Variants in NUP62CL observed in about 807,000 individuals in gnomAD.
The protein encoded by NUP62CL is nucleoporin 62 C-terminal like.
Under a neutral mutation model 15.3 loss-of-function variants are expected in NUP62CL, and 13 were observed. The observed-to-expected ratio is 0.85, with a 90% confidence interval of 0.55 to 1.35. The LOEUF (loss-of-function observed/expected upper bound fraction) is 1.35, where lower values mean the gene tolerates loss of function less well. NUP62CL is among the 40% of genes most tolerant of loss of function. The pLI is 0.00. For synonymous variants in NUP62CL, 54 were observed against 49.2 expected (o/e 1.10, Z -0.41); for missense variants, 123 against 130.6 (o/e 0.94, Z 0.28).
At chrX:107,130,602 T>C (rs1925491666) in intron 8 of NUP62CL, among the ~76,000 whole-genome samples, 1 of 111,416 alleles carries the variant, frequency 9.0e-6, no homozygotes, top group South Asian at 3.8e-4. Context: ...ATAAGAATGC[T>C]ATAGAAGACA....
At chrX:107,151,701 C>T (rs1926013963) in intron 7 of NUP62CL, among the ~76,000 whole-genome samples, 1 of 109,765 alleles carries the variant, frequency 9.1e-6, no homozygotes, top group Non-Finnish European at 1.9e-5. Flanking sequence ...AATTGGTTGC[C>T]TACATTATTG....
At chrX:107,188,551 T>C (rs1602663450) in intron 2 of NUP62CL, among the ~76,000 whole-genome samples, 2 of 110,323 alleles carry the variant, frequency 1.8e-5, no homozygotes, top group East Asian at 5.7e-4. Flanking sequence ...AGACCGAATG[T>C]TTTCCCCCTA....
chrX:107,170,392 A>T (rs1212261536), intron 3 of NUP62CL, among the ~76,000 whole-genome samples: 1 of 108,681 alleles, frequency 9.2e-6, no homozygotes, highest in Non-Finnish European at 1.9e-5. Flanking sequence ...GAGTCATTTT[A>T]AAATGGTATG....
chrX:107,199,445 GTA>G (rs1452192010), intron 1 of NUP62CL, among the ~76,000 whole-genome samples: 1 of 112,312 alleles, frequency 8.9e-6, no homozygotes, highest in Non-Finnish European at 1.9e-5. Context: ...GTCTCACAAA[GTA>G]TAAATGATTT....
chrX:107,190,187 CA>C (rs1927205815), intron 2 of NUP62CL, among the ~76,000 whole-genome samples: 1 of 111,536 alleles, frequency 9.0e-6, no homozygotes. Context: ...CTCCACTAGC[CA>C]AAATATTTTA....
intron 4 of NUP62CL, among the ~76,000 whole-genome samples, chrX:107,157,677 C>G (rs1926241107): frequency 9.2e-6 from 1 of 108,487 alleles, no homozygotes; most frequent in African/African-American, 3.3e-5. Context: ...CAAAATCATG[C>G]CAAAATGTAA....
chrX:107,174,001 C>A (rs1171230957), intron 3 of NUP62CL, among the ~76,000 whole-genome samples: 1 of 108,896 alleles, frequency 9.2e-6, no homozygotes, highest in Admixed American at 9.8e-5. Context: ...CTAAGACATA[C>A]AAAATTCAGT....
intron 8 of NUP62CL, among the ~76,000 whole-genome samples, chrX:107,145,232 T>A (rs974887394): frequency 8.1e-5 from 9 of 111,247 alleles, no homozygotes; most frequent in Non-Finnish European, 1.7e-4. Flanking sequence ...GCTGAAGAAG[T>A]TCATGGTTGA....
chrX:107,127,300 A>G (rs1443987740), intron 8 of NUP62CL, among the ~76,000 whole-genome samples: 1 of 111,981 alleles, frequency 8.9e-6, no homozygotes, highest in Non-Finnish European at 1.9e-5. Context: ...GGTTTGGGAT[A>G]GAAATGGGGA....
intron 8 of NUP62CL, among the ~76,000 whole-genome samples, chrX:107,127,734 ATATAG>A (rs2147789900): frequency 9.0e-6 from 1 of 111,410 alleles, no homozygotes; most frequent in South Asian, 3.8e-4. Context: ...AAACAATGCT[ATATAG>A]TATATCTCTC....
intron 3 of NUP62CL, among the ~76,000 whole-genome samples, chrX:107,168,269 A>G (rs1396165071): frequency 8.9e-6 from 1 of 111,882 alleles, no homozygotes; most frequent in Non-Finnish European, 1.9e-5. Flanking sequence ...ATAACTTGCC[A>G]AATTGCCCTA....
At chrX:107,165,799 G>C (rs889958304) in intron 4 of NUP62CL, among the ~76,000 whole-genome samples, 8 of 111,587 alleles carry the variant, frequency 7.2e-5, no homozygotes, top group Non-Finnish European at 1.3e-4. Context: ...AAGCAATTCA[G>C]GGGGGAAGAT....
At chrX:107,146,952 T>G (rs1363352818) in intron 8 of NUP62CL, among the ~76,000 whole-genome samples, 1 of 111,536 alleles carries the variant, frequency 9.0e-6, no homozygotes, top group Non-Finnish European at 1.9e-5. Context: ...GTTCTAGGTG[T>G]GCTCATTGCC....
intron 8 of NUP62CL, among the ~76,000 whole-genome samples, chrX:107,145,424 C>T (rs1241115399): frequency 2.7e-5 from 3 of 111,116 alleles, no homozygotes. Context: ...TTCCACCCCC[C>T]AATTTTTAAG....
intron 2 of NUP62CL, among the ~76,000 whole-genome samples, chrX:107,176,279 A>T (rs1325672973): frequency 8.9e-6 from 1 of 111,775 alleles, no homozygotes; most frequent in African/African-American, 3.3e-5. Flanking sequence ...TAAGTCGGAT[A>T]GTTTATCAGA....
At chrX:107,180,570 G>C (rs1926894201) in intron 2 of NUP62CL, among the ~76,000 whole-genome samples, 1 of 111,850 alleles carries the variant, frequency 8.9e-6, no homozygotes, top group Non-Finnish European at 1.9e-5. Flanking sequence ...GTAAGGTACA[G>C]AATACAAGTT....
chrX:107,151,317 G>A (rs1005981349), intron 7 of NUP62CL, among the ~76,000 whole-genome samples: 1 of 111,483 alleles, frequency 9.0e-6, no homozygotes, highest in South Asian at 3.8e-4. Context: ...AAGTTATTTA[G>A]GGTTTGGCAA....
chrX:107,191,275 T>C (rs1157514175), intron 2 of NUP62CL, among the ~76,000 whole-genome samples: 2 of 106,197 alleles, frequency 1.9e-5, no homozygotes, highest in Non-Finnish European at 1.9e-5. Context: ...GATATTAATA[T>C]AGGAATACAT....
intron 1 of NUP62CL, among the ~76,000 whole-genome samples, chrX:107,194,032 T>C (rs1433416364): frequency 9.1e-6 from 1 of 109,837 alleles, no homozygotes; most frequent in Non-Finnish European, 1.9e-5. Context: ...GAAAAAAATC[T>C]GCCAGTACCG....
Sources: allele counts gnomAD v4.1 joint callset (sites outside exome capture counted in the v4.1 genomes callset), GRCh38; gene constraint gnomAD v4.1.1; transcripts MANE v1.5; gene names NCBI Gene and HGNC (gene_info 2026-07-23, HGNC 2026-07-21).